Variants in ITGBL1 observed in about 807,000 individuals in gnomAD.
ITGBL1 encodes the protein integrin beta-like protein 1.
Under a neutral mutation model 68.5 loss-of-function variants are expected in ITGBL1, and 51 were observed. The observed-to-expected ratio is 0.74, with a 90% CI of 0.59 to 0.94. The LOEUF (loss-of-function observed/expected upper bound fraction) is 0.94. Among genes scored for constraint, ITGBL1 ranks in the 40% least tolerant of loss-of-function variants. The pLI, the probability that ITGBL1 is intolerant of heterozygous loss-of-function variation, is 0.00. For synonymous variants in ITGBL1, 209 were observed against 227.3 expected, an observed-to-expected ratio of 0.92 and a Z score of 0.72; for missense variants, 649 against 647.4, an observed-to-expected ratio of 1.00 and a Z score of -0.03.
chr13:101,700,817 T>C (rs1423043143), intron 8 of ITGBL1, among the ~76,000 whole-genome samples: 1 of 152,182 alleles, frequency 6.6e-6, no homozygotes, highest in Non-Finnish European at 1.5e-5. Context: ...TCCTAGAACA[T>C]TGGCTGTCTG....
intron 7 of ITGBL1, among the ~76,000 whole-genome samples, chr13:101,638,060 A>G (rs908226708): frequency 3.9e-5 from 6 of 152,212 alleles, no homozygotes; most frequent in African/African-American, 1.4e-4. Flanking sequence ...AGGATCTGCT[A>G]TAAAATATAT....
intron 7 of ITGBL1, among the ~76,000 whole-genome samples, chr13:101,628,815 G>A (rs896658147): frequency 6.6e-6 from 1 of 151,726 alleles, no homozygotes; most frequent in African/African-American, 2.4e-5. Context: ...ATGTTCTGTG[G>A]ATAGTTTAGA....
chr13:101,680,258 G>A (rs1444538878), intron 7 of ITGBL1, among the ~76,000 whole-genome samples: 1 of 152,152 alleles, frequency 6.6e-6, no homozygotes, highest in Admixed American at 6.5e-5. Flanking sequence ...CATTTGGCAG[G>A]CGCTTTCTCT....
chr13:101,623,459 A>G (rs185015640), intron 7 of ITGBL1, among the ~76,000 whole-genome samples: 26 of 152,314 alleles, frequency 1.7e-4, no homozygotes, highest in Admixed American at 1.4e-3. Flanking sequence ...TCATTTTGTT[A>G]TGAGATACAT....
At position 101,598,211 on chromosome 13, in the gene ITGBL1, G is replaced by C. The variant is rs562841426; in HGVS notation, c.927G>C (p.Lys309Asn). 2.6e-5 allele frequency: 42 copies of C among 1,613,906 alleles called. 1 individual carries two copies. The South Asian group carries it at 4.5e-4, about 17-fold the overall frequency. Residue 309 changes from lysine (K) to asparagine (N), a missense_variant, in exon 7 of 11, where the codon AAG becomes AAC. By Grantham distance (94) the Lys-to-Asn change is moderately conservative (BLOSUM62 0). Coordinates refer to ENST00000376180, the MANE Select transcript of ITGBL1 (RefSeq NM_004791.3). ...GCAAAGCAGGCTGGTATGGGAAGAA[G>C]TGTGAGCACCCACAGTCCTGCACGC... is the stretch of plus-strand genomic sequence containing the variant. The part of the protein sequence containing the change: ...CDCKAGWYGK[K>N]CEHPQSCTLS...
At chr13:101,664,145 T>C (rs1294079970) in intron 7 of ITGBL1, among the ~76,000 whole-genome samples, 5 of 152,154 alleles carry the variant, frequency 3.3e-5, no homozygotes, top group African/African-American at 4.8e-5. Context: ...ACAAAGGCTC[T>C]GAAAATAAGT....
intron 7 of ITGBL1, among the ~76,000 whole-genome samples, chr13:101,637,341 A>ATTTTTT (rs58584687): frequency 7.9e-6 from 1 of 125,912 alleles, no homozygotes; most frequent in African/African-American, 3.1e-5. Flanking sequence ...TTGGAACAGT[A>ATTTTTT]TTTTTTTTTT....
chr13:101,641,907 G>T (rs982092518), intron 7 of ITGBL1, among the ~76,000 whole-genome samples: 2 of 151,776 alleles, frequency 1.3e-5, no homozygotes, highest in Admixed American at 6.6e-5. Context: ...CTTTTTTATG[G>T]CTACATAGTA....
chr13:101,512,579 G>A (rs1004333565), intron 2 of ITGBL1, among the ~76,000 whole-genome samples: 2 of 152,114 alleles, frequency 1.3e-5, no homozygotes, highest in African/African-American at 4.8e-5. Context: ...CAAAGATTTA[G>A]GACTGTGGGA....
At chr13:101,705,196 G>C (rs2034228798) in intron 8 of ITGBL1, among the ~76,000 whole-genome samples, 1 of 148,234 alleles carries the variant, frequency 6.7e-6, no homozygotes. Flanking sequence ...CGCTCTCCCA[G>C]ACCTTCTCTG....
chr13:101,476,715 C>A (rs1190030676), intron 2 of ITGBL1, among the ~76,000 whole-genome samples: 8 of 151,932 alleles, frequency 5.3e-5, no homozygotes, highest in Non-Finnish European at 1.2e-4. Flanking sequence ...TTATGTCAGA[C>A]AATATAGATT....
At chr13:101,580,055 C>G (rs2050429584) in intron 5 of ITGBL1, among the ~76,000 whole-genome samples, 1 of 152,016 alleles carries the variant, frequency 6.6e-6, no homozygotes, top group South Asian at 2.1e-4. Context: ...TAAAATCAAA[C>G]AGTTTAAACA....
At chr13:101,680,896 G>A (rs9518488) in intron 7 of ITGBL1, among the ~76,000 whole-genome samples, 29,931 of 152,052 alleles carry the variant, frequency 0.2, 3,532 homozygotes, top group Admixed American at 0.28. Flanking sequence ...GTGCCACAAA[G>A]TGTATTTCCC....
At chr13:101,574,394 C>T (rs948805662) in intron 3 of ITGBL1, among the ~76,000 whole-genome samples, 7 of 152,160 alleles carry the variant, frequency 4.6e-5, no homozygotes, top group African/African-American at 1.7e-4. Flanking sequence ...CAGCTACTTC[C>T]TCAGGGACTC....
intron 7 of ITGBL1, among the ~76,000 whole-genome samples, chr13:101,646,242 A>C (rs1423124668): frequency 1.3e-5 from 2 of 152,162 alleles, no homozygotes; most frequent in Admixed American, 1.3e-4. Context: ...CTAAGAATAA[A>C]ACTCTTTTAC....
At chr13:101,717,278 A>G (rs1449831313), downstream of ITGBL1, 1 of 152,156 alleles carries the variant, frequency 6.6e-6, no homozygotes, top group Non-Finnish European at 1.5e-5. Context: ...AGTACTAACA[A>G]TGTTCTCATA....
intron 2 of ITGBL1, among the ~76,000 whole-genome samples, chr13:101,458,860 T>C (rs1194571391): frequency 1.3e-5 from 2 of 152,152 alleles, no homozygotes; most frequent in African/African-American, 4.8e-5. Flanking sequence ...GGCCCGACCG[T>C]ATGGTGCCCA....
intron 8 of ITGBL1, among the ~76,000 whole-genome samples, chr13:101,703,931 T>A (rs1247383286): frequency 6.6e-6 from 1 of 152,108 alleles, no homozygotes; most frequent in Non-Finnish European, 1.5e-5. Context: ...CTAATCTAAA[T>A]AAGTAAGTTA....
intron 7 of ITGBL1, among the ~76,000 whole-genome samples, chr13:101,610,722 G>C (rs1277986592): frequency 6.6e-6 from 1 of 152,068 alleles, no homozygotes; most frequent in Non-Finnish European, 1.5e-5. Context: ...CACAAAGCCT[G>C]AAATATTTCT....
Sources: gnomAD v4.1 joint callset for allele counts (sites outside exome capture counted in the v4.1 genomes callset) on GRCh38, gnomAD v4.1.1 for gene constraint, MANE v1.5 for transcripts, NCBI Gene and HGNC (gene_info 2026-07-23, HGNC 2026-07-21) for gene names.